IMPG2: variants seen among roughly 807,000 people sequenced by gnomAD.
The protein encoded by IMPG2 is interphotoreceptor matrix proteoglycan 2.
A neutral mutation model predicts 129.2 loss-of-function variants in IMPG2; 91 were observed. The ratio of observed to expected loss-of-function variants is 0.70; its 90% CI spans 0.59 to 0.84. The LOEUF is 0.84. Among genes scored for constraint, IMPG2 ranks in the 40% least tolerant of loss-of-function variants. IMPG2 has a pLI of 0.00. For synonymous variants in IMPG2, 510 were observed against 517.7 expected, an observed-to-expected ratio of 0.99 and a Z score of 0.20; for missense variants, 1,430 against 1,461.7, an observed-to-expected ratio of 0.98 and a Z score of 0.35.
In IMPG2 at chr3:101,244,244, T is replaced by G. The variant is rs764664351; in HGVS notation, c.2087A>C (p.Glu696Ala). 8.1e-6 allele frequency: 13 copies of G among 1,613,856 alleles called. No individual in the cohort carries two copies. The highest frequency in any genetic ancestry group is 1.0e-5 in the Non-Finnish European group (12 of 1,179,988). Residue 696 changes from glutamate (E) to alanine (A), a missense_variant, in exon 13 of 19, where the codon GAA (glutamate) becomes GCA (alanine). Coordinates refer to ENST00000193391, the MANE Select transcript of IMPG2 (RefSeq NM_016247.4). ...AVPIFADTAA[E>A]SASLTLPKHI... The stretch of plus-strand genomic sequence containing the variant: ...CTTGGGGAGGGTTAGAGACGCAGAT[T>G]CAGCTGCAGTATCTGCGAAGATGGG...
intron 4 of IMPG2, among the ~76,000 whole-genome samples, chr3:101,280,744 G>A (rs936470073): frequency 6.6e-6 from 1 of 151,936 alleles, no homozygotes; most frequent in Non-Finnish European, 1.5e-5. Flanking sequence ...TCAGGAGTTC[G>A]AAACCAGCCT....
chr3:101,253,271 A>G (rs1706563843), intron 11 of IMPG2, among the ~76,000 whole-genome samples: 1 of 152,082 alleles, frequency 6.6e-6, no homozygotes, highest in African/African-American at 2.4e-5. Context: ...ACACTGTTCT[A>G]TGTGTTTTGG....
intron 14 of IMPG2, among the ~76,000 whole-genome samples, chr3:101,241,038 A>T (rs558056347): frequency 6.6e-6 from 1 of 152,362 alleles, no homozygotes; most frequent in East Asian, 1.9e-4. Flanking sequence ...TCACTCATTC[A>T]CAGTATTTTT....
In IMPG2 at chr3:101,290,206, G is replaced by T. The variant is rs565701033; in HGVS notation, c.533+1273C>A. 3.9e-5 allele frequency among the ~76,000 whole-genome samples: 6 copies of T among 152,214 alleles called. No homozygotes were observed. The South Asian group carries it at 1.2e-3, about 32-fold the overall frequency. On this transcript the variant is annotated intron_variant, in intron 4 of 18. Transcript: ENST00000193391. ...TCTCTGAGCTCTGCCTCTCTGTGGT[G>T]AAGAAACCACACCCGGCCAGGCATA... is the stretch of plus-strand genomic sequence containing the variant.
At chr3:101,252,743 C>G (rs138751756) in intron 11 of IMPG2, among the ~76,000 whole-genome samples, 25 of 152,208 alleles carry the variant, frequency 1.6e-4, no homozygotes, top group African/African-American at 6.0e-4. Context: ...TATTGAGTTG[C>G]TCTATAACCT....
At chr3:101,287,134 T>C (rs922017519) in intron 4 of IMPG2, among the ~76,000 whole-genome samples, 6 of 152,168 alleles carry the variant, frequency 3.9e-5, no homozygotes, top group African/African-American at 1.2e-4. Context: ...CAGGGTATAG[T>C]AACACAGAAT....
intron 4 of IMPG2, among the ~76,000 whole-genome samples, chr3:101,287,372 C>A (rs936559258): frequency 6.6e-6 from 1 of 152,084 alleles, no homozygotes; most frequent in Admixed American, 6.6e-5. Context: ...TCATTCTTCA[C>A]AGAATTAGAA....
At chr3:101,256,177 GAAA>G (rs1706602349) in intron 10 of IMPG2, among the ~76,000 whole-genome samples, 1 of 139,986 alleles carries the variant, frequency 7.1e-6, no homozygotes, top group African/African-American at 2.7e-5. Context: ...AAGAAAGAAA[GAAA>G]GAAAGAAAGA....
chr3:101,281,920 G>A (rs1259635829), intron 4 of IMPG2, among the ~76,000 whole-genome samples: 2 of 152,106 alleles, frequency 1.3e-5, no homozygotes, highest in Non-Finnish European at 2.9e-5. Context: ...CTTCTAAAAA[G>A]GAACATAGCC....
At chr3:101,300,630 G>A (rs1707130435) in intron 3 of IMPG2, among the ~76,000 whole-genome samples, 1 of 152,188 alleles carries the variant, frequency 6.6e-6, no homozygotes, top group Non-Finnish European at 1.5e-5. Context: ...CTTGGCTGGG[G>A]GCTGCGGCAC....
intron 4 of IMPG2, among the ~76,000 whole-genome samples, chr3:101,284,924 A>G (rs371221950): frequency 1.7e-4 from 26 of 152,200 alleles, no homozygotes; most frequent in African/African-American, 5.8e-4. Flanking sequence ...CTAATAAACC[A>G]CAACCATCAA....
intron 3 of IMPG2, among the ~76,000 whole-genome samples, chr3:101,301,868 C>T (rs1377580847): frequency 1.3e-5 from 2 of 152,270 alleles, no homozygotes; most frequent in Non-Finnish European, 2.9e-5. Flanking sequence ...GAAACCGTAA[C>T]GACCTTTTTA....
intron 4 of IMPG2, among the ~76,000 whole-genome samples, chr3:101,281,973 A>G (rs1342662550): frequency 6.6e-6 from 1 of 152,208 alleles, no homozygotes; most frequent in African/African-American, 2.4e-5. Context: ...TGAACTGCAG[A>G]ACTATAAGAT....
At chr3:101,291,250 T>A (rs1180180858) in intron 4 of IMPG2, among the ~76,000 whole-genome samples, 3 of 152,200 alleles carry the variant, frequency 2.0e-5, no homozygotes, top group African/African-American at 7.2e-5. Flanking sequence ...AGGAGCAAGT[T>A]TGCCTCATAA....
chr3:101,269,926 C>CTTTTTTTTT (rs5851267), intron 7 of IMPG2, among the ~76,000 whole-genome samples: 5 of 106,980 alleles, frequency 4.7e-5, no homozygotes, highest in Admixed American at 2.2e-4. Context: ...TTATTTTATT[C>CTTTTTTTTT]TTTTTTTTTT....
Position 101,246,015 on chromosome 3 carries a change from C to T in IMPG2, c.1330G>A (p.Ala444Thr), listed in dbSNP as rs752217431. The T allele has an allele frequency of 3.7e-6, 6 of 1,614,114 alleles. No homozygotes were observed. In the Admixed American group the frequency reaches 8.3e-5, roughly 22 times the overall value. ...PLDFSSGPPS[A>T]TGRELWSESP... ...TCTGACCAGAGTTCCCTGCCAGTGG[C>T]TGAGGGAGGACCAGAGCTGAAATCA... Residue 444 changes from alanine (A) to threonine (T), a missense_variant, in exon 12 of 19, where the codon GCC becomes ACC. Physicochemically the swap from Ala to Thr is moderately conservative, Grantham distance 58 (BLOSUM62 0). Transcript: ENST00000193391.
At chr3:101,309,485 G>C (rs986939163) in intron 2 of IMPG2, among the ~76,000 whole-genome samples, 26 of 152,132 alleles carry the variant, frequency 1.7e-4, no homozygotes, top group African/African-American at 5.8e-4. Flanking sequence ...TCTCTCTCAA[G>C]TTCAAAATTC....
At chr3:101,273,871 T>C (rs1706813717) in intron 6 of IMPG2, 129 bp from the exon 7 acceptor site, 9 of 957,220 alleles carry the variant, frequency 9.4e-6, no homozygotes, top group Non-Finnish European at 1.3e-5. Context: ...TTATTTCGTA[T>C]TTGACTTTGG....
chr3:101,258,215 GA>G (rs1435402981), intron 9 of IMPG2, among the ~76,000 whole-genome samples: 1 of 152,004 alleles, frequency 6.6e-6, no homozygotes, highest in African/African-American at 2.4e-5. Context: ...TTATGTACTG[GA>G]ACATAGTTAT....
Sources: allele counts gnomAD v4.1 joint callset (sites outside exome capture counted in the v4.1 genomes callset), GRCh38; gene constraint gnomAD v4.1.1; transcripts MANE v1.5; gene names NCBI Gene and HGNC (gene_info 2026-07-23, HGNC 2026-07-21).